Variants in MYO9B observed in about 807,000 individuals in gnomAD.
MYO9B encodes unconventional myosin-IXb.
Under a neutral mutation model 229.5 loss-of-function variants are expected in MYO9B, and 71 were observed. The ratio of observed to expected loss-of-function variants is 0.31; its 90% confidence interval spans 0.26 to 0.38. MYO9B has a LOEUF of 0.38. Ranked by LOEUF, MYO9B falls within the 10% of genes least tolerant of loss-of-function variation. The pLI, the probability that MYO9B is intolerant of heterozygous loss-of-function variation, is 1.00. For synonymous variants in MYO9B, 1,185 were observed against 1,235.8 expected (o/e 0.96, Z 0.86); for missense variants, 2,255 against 2,920.5 (o/e 0.77, Z 5.25).
At chr19:17,076,145 A>G (rs2057481000) in intron 1 of MYO9B, among the ~76,000 whole-genome samples, 1 of 148,382 alleles carries the variant, frequency 6.7e-6, no homozygotes, top group African/African-American at 2.5e-5. Flanking sequence ...TCTGAAGAGG[A>G]CGTGGCTTAA....
chr19:17,152,535 C>A, intron 3 of MYO9B, 109 bp from the exon 4 acceptor site: 1 of 854,246 alleles, frequency 1.2e-6, no homozygotes, highest in South Asian at 1.7e-5. Context: ...TGTACTCCAG[C>A]CTGAACAACA....
chr19:17,206,504 C>G (rs2073164041), intron 33 of MYO9B, 128 bp downstream of exon 33: 2 of 1,425,220 alleles, frequency 1.4e-6, no homozygotes, highest in Non-Finnish European at 1.9e-6. Flanking sequence ...AGCAGTCGGC[C>G]CAGCCAAACC....
At chr19:17,094,091 A>C (rs1207437919) in intron 1 of MYO9B, among the ~76,000 whole-genome samples, 3 of 133,596 alleles carry the variant, frequency 2.2e-5, no homozygotes. Context: ...GCTGGAGTGC[A>C]ATGGCGCAAT....
chr19:17,143,862 A>C (rs1317533855), intron 2 of MYO9B, among the ~76,000 whole-genome samples: 1 of 152,200 alleles, frequency 6.6e-6, no homozygotes, highest in Non-Finnish European at 1.5e-5. Flanking sequence ...TGGAGGTTGC[A>C]GTGAGCCGAG....
Position 17,200,424 on chromosome 19 carries a change from A to C in MYO9B, c.4370A>C (p.Glu1457Ala). Residue 1457 changes from glutamate (E) to alanine (A), a missense_variant and splice_region_variant, in exon 25 of 40, where the codon GAA becomes GCA. By Grantham distance (107) the Glu-to-Ala change is moderately radical. Around this residue, in one of 7 missense-constraint regions of MYO9B, gnomAD observed 679 missense variants for 770.2 expected, o/e 0.88. Coordinates refer to ENST00000682292, the MANE Select transcript of MYO9B (RefSeq NM_004145.4). ...GCCACCACCATGAAGAAGGGCCTGG[A>C]AGGTTGGTAGCCTGCAGCCTCAGGG... ...LEATTMKKGL[E>A]APSGQQHRHA... is the part of the protein sequence containing the mutation. 1.9e-6 allele frequency: 3 copies of C among 1,574,254 alleles called. No homozygotes were observed. The highest frequency in any genetic ancestry group is 2.6e-6 in the Non-Finnish European group (3 of 1,159,384).
chr19:17,210,819 T>C lies in MYO9B; in HGVS notation c.5901T>C (p.Ile1967=), dbSNP rs114482091. The C allele has an allele frequency of 2.3e-4, 361 of 1,598,834 alleles. No individual in the cohort carries two copies. The African/African-American group carries it at 4.3e-3, about 19-fold the overall frequency. The change falls in exon 38 of 40, where the codon ATT becomes ATC. Residue 1967 remains isoleucine (I), a synonymous_variant. Coordinates refer to ENST00000682292, the MANE Select transcript of MYO9B (RefSeq NM_004145.4). ...GDEDREKEIL[I]ERIQSIKEEK... is the part of the protein sequence containing the mutation. ...AGGACCGGGAAAAGGAGATTCTCAT[T>C]GAACGGATCCAGTCCATCAAGGAGG...
intron 1 of MYO9B, among the ~76,000 whole-genome samples, chr19:17,085,829 G>A (rs35013954): frequency 0.013 from 1,987 of 152,268 alleles, 19 homozygotes; most frequent in Non-Finnish European, 0.022. Context: ...TCCTCCGGGC[G>A]TGACGACAGA....
chr19:17,092,558 T>C (rs925514556), intron 1 of MYO9B, among the ~76,000 whole-genome samples: 1 of 152,038 alleles, frequency 6.6e-6, no homozygotes, highest in Admixed American at 6.6e-5. Flanking sequence ...AAGCCCTGTC[T>C]CTATTAAAAG....
chr19:17,113,575 G>A lies in MYO9B; in HGVS notation c.840+11018G>A, dbSNP rs1398475676. Among the ~76,000 whole-genome samples the A allele has an allele frequency of 2.6e-5, 4 of 152,180 alleles. No homozygotes were observed. The South Asian group carries it at 6.2e-4, about 24-fold the overall frequency. Reference sequence around the variant, plus strand: ...AGGCGTGTGTGGAAGACAGGGTGGTGCAAGGACAGAAGGAGGAGGTACAAT... The same window carrying A: ...AGGCGTGTGTGGAAGACAGGGTGGTACAAGGACAGAAGGAGGAGGTACAAT... On this transcript the variant is annotated intron_variant, in intron 2 of 39. Transcript: ENST00000682292.
intron 19 of MYO9B, among the ~76,000 whole-genome samples, chr19:17,189,023 TG>T (rs58215879): frequency 2.8e-3 from 409 of 148,324 alleles, no homozygotes; most frequent in African/African-American, 9.3e-3. Context: ...TAGCCAGGCA[TG>T]GTGGGGCACA....
rs774816174 is a variant in MYO9B, at chr19:17,200,640, C to T, written c.4374C>T (p.Ala1458=). ...CGGCTGCTTCCTGTCCCCCCTCAGCCCCCTCCGGACAGCAGCATCGCCACG... is the reference window on the plus strand; with the variant it reads ...CGGCTGCTTCCTGTCCCCCCTCAGCTCCCTCCGGACAGCAGCATCGCCACG... ...EATTMKKGLE[A]PSGQQHRHAA... Residue 1458 remains alanine, a splice_region_variant and synonymous_variant, in exon 26 of 40, where the codon GCC becomes GCT. Coordinates refer to ENST00000682292, the MANE Select transcript of MYO9B (RefSeq NM_004145.4). 6.8e-6 allele frequency: 11 copies of T among 1,611,752 alleles called. No individual in the cohort carries two copies.
chr19:17,164,867 GGT>G (rs2072642206), intron 10 of MYO9B, among the ~76,000 whole-genome samples: 1 of 152,088 alleles, frequency 6.6e-6, no homozygotes, highest in East Asian at 1.9e-4. Flanking sequence ...GTGCAGGAAG[GGT>G]GTGACATACA....
intron 2 of MYO9B, among the ~76,000 whole-genome samples, chr19:17,118,782 G>A (rs946292813): frequency 6.6e-6 from 1 of 152,100 alleles, no homozygotes; most frequent in Non-Finnish European, 1.5e-5. Flanking sequence ...CCACCATGCC[G>A]GGCCTGTTTT....
chr19:17,170,735 G>T (rs1326647935), intron 11 of MYO9B, among the ~76,000 whole-genome samples: 2 of 150,156 alleles, frequency 1.3e-5, no homozygotes, highest in African/African-American at 4.9e-5. Context: ...GAGGCAGGAG[G>T]ATCACTTGAG....
intron 1 of MYO9B, among the ~76,000 whole-genome samples, chr19:17,087,693 G>A (rs1178419358): frequency 2.0e-5 from 3 of 152,168 alleles, no homozygotes; most frequent in African/African-American, 4.8e-5. Context: ...ACTTTGGGAG[G>A]CCGAGGCGGG....
chr19:17,115,592 C>T (rs1048712891), intron 2 of MYO9B, among the ~76,000 whole-genome samples: 1 of 151,638 alleles, frequency 6.6e-6, no homozygotes, highest in Non-Finnish European at 1.5e-5. Flanking sequence ...CTTCAGCCTC[C>T]CGAGTAGTTG....
Position 17,212,264 on chromosome 19 carries a change from C to T in MYO9B, c.6428C>T (p.Pro2143Leu). ...GGGGCCAAGCGGAGGTACTCGGATCCCCCAACGTACTGCCTGCCCCCCGCC... is the reference window on the plus strand; with the variant it reads ...GGGGCCAAGCGGAGGTACTCGGATCTCCCAACGTACTGCCTGCCCCCCGCC... ...PPGAKRRYSDPPTYCLPPASG... is the reference protein window; with the variant it reads ...PPGAKRRYSDLPTYCLPPASG... Residue 2143 changes from proline (P) to leucine (L), a missense_variant, in exon 40 of 40, where the codon CCC becomes CTC. Pro to Leu is a moderately conservative substitution (Grantham distance 98). Around this residue, in one of 7 missense-constraint regions of MYO9B, gnomAD observed 331 missense variants for 332.5 expected, o/e 1.00. Coordinates refer to ENST00000682292, the MANE Select transcript of MYO9B (RefSeq NM_004145.4). This position sits in a 1 kb window ranked among gnomAD's most constrained non-coding sequence, Gnocchi z 5.4. 4 of 1,564,140 alleles carry T rather than the reference C, an allele frequency of 2.6e-6. No homozygotes were observed. Among genetic ancestry groups the T allele is most frequent in the Non-Finnish European group, 3.4e-6 (4 of 1,161,310 alleles).
intron 11 of MYO9B, among the ~76,000 whole-genome samples, chr19:17,170,735 G>A (rs1326647935): frequency 6.7e-6 from 1 of 150,268 alleles, no homozygotes; most frequent in South Asian, 2.1e-4. Context: ...GAGGCAGGAG[G>A]ATCACTTGAG....
rs1171247807 is a variant in MYO9B at position 17,172,738 on chromosome 19, C to T, written c.1936-21C>T. ...GTGAGTGACTATCCCCGAGTGACCGCCCACATCCATCCCCCACCAGGACTT... is the reference window on the plus strand; with the variant it reads ...GTGAGTGACTATCCCCGAGTGACCGTCCACATCCATCCCCCACCAGGACTT... On this transcript the variant is annotated intron_variant, in intron 12 of 39. Coordinates refer to ENST00000682292, the MANE Select transcript of MYO9B (RefSeq NM_004145.4). This position sits in a 1 kb window ranked among gnomAD's most constrained non-coding sequence, Gnocchi z 8.2. The T allele has an allele frequency of 6.2e-7, 1 of 1,612,298 alleles. No homozygotes were observed. Among genetic ancestry groups the T allele is most frequent in the Admixed American group, 1.7e-5 (1 of 60,006 alleles).
Sources: allele counts gnomAD v4.1 joint callset (sites outside exome capture counted in the v4.1 genomes callset), GRCh38; gene constraint gnomAD v4.1.1; regional missense constraint gnomAD v4.1.1; non-coding constraint Gnocchi (gnomAD v3.1); transcripts MANE v1.5; gene names NCBI Gene and HGNC (gene_info 2026-07-23, HGNC 2026-07-21).